LYZL1: variants seen among roughly 807,000 people sequenced by gnomAD.
LYZL1 encodes the protein lysozyme-like protein 1.
Under a neutral mutation model 17.9 loss-of-function variants are expected in LYZL1, and 16 were observed. The observed-to-expected ratio is 0.90, with a 90% CI of 0.61 to 1.36. The LOEUF is 1.36. Among genes scored for constraint, LYZL1 ranks in the 40% most tolerant of loss-of-function variants. The probability of loss-of-function intolerance (pLI) is 0.00; values close to 1 mark genes in which losing one functional copy is unlikely to be tolerated. For missense variants in LYZL1, 149 were observed against 188.4 expected (o/e 0.79, Z 1.22); for synonymous variants, 58 against 71.8 (o/e 0.81, Z 0.97).
In LYZL1 at chr10:29,292,747, C is replaced by A. The variant is rs1002869965; in HGVS notation, c.298+70C>A. The A allele has an allele frequency of 1.9e-5, 29 of 1,546,564 alleles. 1 individual carries two copies. The highest frequency in any genetic ancestry group is 4.5e-5 in the East Asian group (2 of 44,148). The stretch of plus-strand genomic sequence containing the variant: ...AGAAAGCCGACAATGGGATCACCAA[C>A]CATGTCTTGCTTTAACTAAAATTTG... On this transcript the variant is annotated intron_variant, in intron 3 of 4. Transcript: ENST00000649382.
rs1239301256 is a variant in LYZL1, at chr10:29,306,284, C to T, written c.299-3826C>T. 3.6e-5 allele frequency among the ~76,000 whole-genome samples: 5 copies of T among 137,570 alleles called. 1 individual carries two copies. Among genetic ancestry groups the T allele is most frequent in the Non-Finnish European group, 6.5e-5 (4 of 61,934 alleles). 90.3% of individuals were successfully genotyped at this position (137,570 alleles called of 152,430 possible). On this transcript the variant is annotated intron_variant, in intron 3 of 4. Coordinates refer to ENST00000649382, the MANE Select transcript of LYZL1 (RefSeq NM_032517.6). The stretch of plus-strand genomic sequence containing the variant: ...TAAGGAACTTGGCCGGGCGCGGTGG[C>T]TCACGCCTGTAATCCCAGCACTTTG...
At chr10:29,310,237 T>C (rs369323313) in intron 4 of LYZL1, 49 bp downstream of exon 4, 31 of 1,372,814 alleles carry the variant, frequency 2.3e-5, no homozygotes, top group African/African-American at 8.6e-5. Flanking sequence ...CAAAACCTAG[T>C]GTGTGTATTT....
At chr10:29,306,549 C>CAAAAAAAAA (rs58001118) in intron 3 of LYZL1, among the ~76,000 whole-genome samples, 25 of 48,810 alleles carry the variant, frequency 5.1e-4, no homozygotes, top group Middle Eastern at 0.019. Context: ...GACTCCGTCT[C>CAAAAAAAAA]AAAAAAAAAA....
At chr10:29,318,324 A>T in exon 5 of LYZL1, 2 of 306,530 alleles carry the variant, frequency 6.5e-6, no homozygotes, top group Non-Finnish European at 9.5e-6. Context: ...CAGATTCATA[A>T]GTAATCTGAC....
downstream of LYZL1, among the ~76,000 whole-genome samples, chr10:29,315,848 CAAA>C (rs537249145): frequency 7.9e-6 from 1 of 126,738 alleles, no homozygotes. Flanking sequence ...AACACTGTCT[CAAA>C]AAAAAAAAAA....
chr10:29,315,984 G>A (rs1835725793), downstream of LYZL1, among the ~76,000 whole-genome samples: 1 of 152,184 alleles, frequency 6.6e-6, no homozygotes, highest in African/African-American at 2.4e-5. Flanking sequence ...TGCCTTGAAG[G>A]GTCCGACTGC....
downstream of LYZL1, among the ~76,000 whole-genome samples, chr10:29,314,235 T>G (rs374705376): frequency 4.9e-4 from 75 of 152,140 alleles, 1 homozygote; most frequent in African/African-American, 1.8e-3. Flanking sequence ...TGCTGTAGGA[T>G]TAGGTGACTG....
At chr10:29,311,475 C>T (rs1055029375), downstream of LYZL1, among the ~76,000 whole-genome samples, 1 of 152,046 alleles carries the variant, frequency 6.6e-6, no homozygotes, top group Non-Finnish European at 1.5e-5. Context: ...GGCCGAATCC[C>T]CTTAAGAGTA....
chr10:29,305,409 G>C (rs1835576360), intron 3 of LYZL1, among the ~76,000 whole-genome samples: 3 of 152,264 alleles, frequency 2.0e-5, no homozygotes, highest in Middle Eastern at 3.4e-3. Context: ...CAGAATTTAA[G>C]CCCCCTATCA....
intron 3 of LYZL1, among the ~76,000 whole-genome samples, chr10:29,300,946 C>T (rs1329508288): frequency 2.0e-5 from 3 of 152,074 alleles, no homozygotes; most frequent in Non-Finnish European, 2.9e-5. Flanking sequence ...CTTAGCCTCC[C>T]GAGTAGCTGG....
At chr10:29,309,988 A>G in intron 3 of LYZL1, 122 bp from the exon 4 acceptor site, 2 of 665,018 alleles carry the variant, frequency 3.0e-6, no homozygotes, top group Non-Finnish European at 5.1e-6. Flanking sequence ...TTTGCAGGCA[A>G]AATCATAGTT....
intron 1 of LYZL1, among the ~76,000 whole-genome samples, chr10:29,290,992 C>G (rs73596010): frequency 6.6e-6 from 1 of 152,152 alleles, no homozygotes; most frequent in Non-Finnish European, 1.5e-5. Context: ...TCCATACAGG[C>G]CCACGTGTCT....
At chr10:29,291,042 C>T (rs1239063053) in intron 1 of LYZL1, among the ~76,000 whole-genome samples, 1 of 152,130 alleles carries the variant, frequency 6.6e-6, no homozygotes, top group Non-Finnish European at 1.5e-5. Context: ...TTCTACACAT[C>T]CAGTTGATCC....
At chr10:29,306,792 A>ATGTG (rs1238882899) in intron 3 of LYZL1, among the ~76,000 whole-genome samples, 240 of 91,534 alleles carry the variant, frequency 2.6e-3, no homozygotes, top group African/African-American at 0.011. Context: ...GTTACCGCTT[A>ATGTG]TGTATGTGTG....
downstream of LYZL1, among the ~76,000 whole-genome samples, chr10:29,311,680 T>C (rs535017966): frequency 3.0e-4 from 46 of 152,332 alleles, no homozygotes; most frequent in Non-Finnish European, 6.0e-4. Context: ...CATATTTTGC[T>C]ATTAAAGAAA....
chr10:29,292,903 C>T (rs1372773767), intron 3 of LYZL1, among the ~76,000 whole-genome samples: 1 of 152,172 alleles, frequency 6.6e-6, no homozygotes, highest in Non-Finnish European at 1.5e-5. Flanking sequence ...TATGAAGCCC[C>T]CACTAAAGCA....
intron 3 of LYZL1, among the ~76,000 whole-genome samples, chr10:29,301,548 C>T (rs1835518503): frequency 6.6e-6 from 1 of 151,980 alleles, no homozygotes; most frequent in African/African-American, 2.4e-5. Context: ...GATGGGAAAC[C>T]AATGATTTTC....
At chr10:29,307,856 A>C (rs535850764) in intron 3 of LYZL1, among the ~76,000 whole-genome samples, 4 of 152,298 alleles carry the variant, frequency 2.6e-5, no homozygotes. Flanking sequence ...ATAAATTATT[A>C]GGTGAAAGGA....
chr10:29,313,545 GAC>G (rs1382008040), downstream of LYZL1, among the ~76,000 whole-genome samples: 1 of 152,172 alleles, frequency 6.6e-6, no homozygotes, highest in Non-Finnish European at 1.5e-5. Context: ...CCTAACATTA[GAC>G]TCATCTATCT....
Sources: allele counts gnomAD v4.1 joint callset (sites outside exome capture counted in the v4.1 genomes callset), GRCh38; gene constraint gnomAD v4.1.1; transcripts MANE v1.5; gene names NCBI Gene and HGNC (gene_info 2026-07-23, HGNC 2026-07-21).